Variants in MAP3K7 observed in about 807,000 individuals in gnomAD.
The protein encoded by MAP3K7 is TGF-beta activated kinase 1.
In MAP3K7, 21 loss-of-function variants were observed where a neutral mutation model predicts 84.8. The ratio of observed to expected loss-of-function variants is 0.25; its 90% CI spans 0.18 to 0.36. The LOEUF (loss-of-function observed/expected upper bound fraction) is 0.36. Ranked by LOEUF, MAP3K7 falls within the 10% of genes least tolerant of loss-of-function variation. The pLI is 1.00. For missense variants in MAP3K7, 503 were observed against 747.7 expected (o/e 0.67, Z 3.82); for synonymous variants, 241 against 247.7 (o/e 0.97, Z 0.25).
intron 1 of MAP3K7, among the ~76,000 whole-genome samples, chr6:90,585,713 A>T (rs1777422614): frequency 6.6e-6 from 1 of 151,778 alleles, no homozygotes; most frequent in Non-Finnish European, 1.5e-5. Flanking sequence ...TCTAAAATAA[A>T]TTACTGCAGA....
chr6:90,585,544 T>A (rs536323185), intron 1 of MAP3K7, among the ~76,000 whole-genome samples: 38 of 151,550 alleles, frequency 2.5e-4, no homozygotes, highest in Non-Finnish European at 5.9e-5. Context: ...AAATAAATGG[T>A]AAGAGATAGT....
intron 13 of MAP3K7, among the ~76,000 whole-genome samples, chr6:90,526,924 AAAG>A (rs1271848410): frequency 6.6e-6 from 1 of 152,124 alleles, no homozygotes; most frequent in African/African-American, 2.4e-5. Flanking sequence ...ACAGTGTGAG[AAAG>A]AAAGTTACAA....
At chr6:90,517,861 A>C (rs147733809) in intron 16 of MAP3K7, among the ~76,000 whole-genome samples, 1 of 151,878 alleles carries the variant, frequency 6.6e-6, no homozygotes, top group African/African-American at 2.4e-5. Flanking sequence ...TTATCACTTC[A>C]TTTTAGTTAC....
Position 90,523,793 on chromosome 6 carries a change from G to A in MAP3K7, c.1357-10C>T. 7.0e-7 allele frequency: 1 copy of A among 1,431,700 alleles called. No individual in the cohort carries two copies. The highest frequency in any genetic ancestry group is 9.9e-7 in the Non-Finnish European group (1 of 1,014,454). 88.7% of individuals were successfully genotyped at this position (1,431,700 alleles called of 1,614,324 possible). Reference sequence around the variant, plus strand: ...ATGACCTACTGCTCACCTACAGGAAGAAGTCACAGGAGAAACAAAATGTGA... The same window carrying A: ...ATGACCTACTGCTCACCTACAGGAAAAAGTCACAGGAGAAACAAAATGTGA... On this transcript the variant is annotated splice_polypyrimidine_tract_variant and intron_variant, in intron 13 of 16. Transcript: ENST00000369329.
At chr6:90,531,588 T>C (rs1775505988) in intron 13 of MAP3K7, among the ~76,000 whole-genome samples, 1 of 152,178 alleles carries the variant, frequency 6.6e-6, no homozygotes, top group Non-Finnish European at 1.5e-5. Context: ...TTGGCTTCAC[T>C]ACAGTTTTTC....
intron 3 of MAP3K7, among the ~76,000 whole-genome samples, chr6:90,565,669 T>C (rs977872771): frequency 3.3e-5 from 5 of 152,164 alleles, no homozygotes; most frequent in African/African-American, 9.7e-5. Context: ...TCTGAAACTA[T>C]TCCAATCGAT....
In MAP3K7 at chr6:90,547,324, T is replaced by C. The variant is rs762711020; in HGVS notation, c.1144A>G (p.Thr382Ala). ...RGSSVESLPP[T>A]SEGKRMSADM... ...GCACTCATCCTCTTGCCCTCAGAGG[T>C]TGGGGGCAAGCTCTCCACACTGCTC... The change falls in exon 11 of 17, where the codon ACC (threonine) becomes GCC (alanine). Residue 382 changes from threonine to alanine, a missense_variant. By Grantham distance (58) the Thr-to-Ala change is moderately conservative. Transcript: ENST00000369329. The C allele has an allele frequency of 1.7e-5, 28 of 1,612,262 alleles. No individual in the cohort carries two copies. Among genetic ancestry groups the C allele is most frequent in the Non-Finnish European group, 2.3e-5 (27 of 1,179,208 alleles).
chr6:90,574,187 G>A (rs755678980), intron 1 of MAP3K7, among the ~76,000 whole-genome samples: 147 of 152,274 alleles, frequency 9.7e-4, no homozygotes, highest in Non-Finnish European at 1.6e-3. Context: ...TTAAAACCAG[G>A]TATTTCCTCA....
intron 8 of MAP3K7, chr6:90,550,816 A>T: frequency 3.6e-6 from 1 of 277,396 alleles, no homozygotes; most frequent in Admixed American, 4.8e-5. Context: ...AAATAGTATC[A>T]TTTCTCATAA....
At chr6:90,547,418 T>C in intron 10 of MAP3K7, 31 bp from the exon 11 acceptor site, 1 of 1,600,886 alleles carries the variant, frequency 6.2e-7, no homozygotes, top group South Asian at 1.1e-5. Flanking sequence ...TCTGAATTAC[T>C]GAAGTTCTTT....
At chr6:90,522,255 T>C (rs547828118) in intron 14 of MAP3K7, among the ~76,000 whole-genome samples, 32 of 152,038 alleles carry the variant, frequency 2.1e-4, no homozygotes, top group South Asian at 8.3e-4. Flanking sequence ...AGAAGCAACA[T>C]ATGAGGCAGA....
chr6:90,527,466 C>G (rs925810774), intron 13 of MAP3K7, among the ~76,000 whole-genome samples: 1 of 140,170 alleles, frequency 7.1e-6, no homozygotes, highest in Non-Finnish European at 1.6e-5. Context: ...GGGTCTCGCC[C>G]GTGTTGTGCA....
At chr6:90,523,045 T>C (rs1285627285) in intron 14 of MAP3K7, among the ~76,000 whole-genome samples, 1 of 152,194 alleles carries the variant, frequency 6.6e-6, no homozygotes, top group Non-Finnish European at 1.5e-5. Context: ...TGTTTGCCCA[T>C]AATGAAACGA....
chr6:90,523,602 T>G, intron 14 of MAP3K7, 76 bp downstream of exon 14: 1 of 929,082 alleles, frequency 1.1e-6, no homozygotes, highest in South Asian at 1.4e-5. Context: ...TTGTAAACAT[T>G]AGAGTAATGA....
At chr6:90,563,256 C>T (rs750864819) in intron 3 of MAP3K7, among the ~76,000 whole-genome samples, 7 of 152,156 alleles carry the variant, frequency 4.6e-5, no homozygotes, top group Non-Finnish European at 7.3e-5. Context: ...TTCAGACAAT[C>T]GGTAATAACA....
chr6:90,552,858 T>C (rs544084792), intron 7 of MAP3K7, among the ~76,000 whole-genome samples: 2 of 152,210 alleles, frequency 1.3e-5, no homozygotes, highest in African/African-American at 2.4e-5. Context: ...AGCATTCAAG[T>C]CAGAAGCATC....
chr6:90,516,227 A>G lies in MAP3K7; in HGVS notation c.*274T>C, dbSNP rs1774955759. The G allele has an allele frequency of 1.9e-5, 9 of 484,334 alleles. No homozygotes were observed. In the South Asian group the frequency reaches 2.1e-4, roughly 11 times the overall value. The allele number at this position is 484,334 out of a possible 1,614,324, so 30.0% of individuals were successfully genotyped here. A position where few individuals can be genotyped will look rare whatever the true frequency, so the allele number is the denominator to read the frequency against. On this transcript the variant is annotated 3_prime_UTR_variant, in exon 17 of 17. Transcript: ENST00000369329. ...GCTAGCCTTCACACAATGAGCATGC[A>G]TATACAGCCACAGTTCACTGCATCT...
intron 1 of MAP3K7, among the ~76,000 whole-genome samples, chr6:90,576,010 G>GA (rs1174636729): frequency 6.6e-6 from 1 of 151,894 alleles, no homozygotes; most frequent in African/African-American, 2.4e-5. Flanking sequence ...AGATGAGTAA[G>GA]AAAAAAATCA....
At chr6:90,576,809 A>C (rs1777099161) in intron 1 of MAP3K7, among the ~76,000 whole-genome samples, 1 of 152,272 alleles carries the variant, frequency 6.6e-6, no homozygotes, top group South Asian at 2.1e-4. Flanking sequence ...TTAGAGAAAT[A>C]CTTGGGAGTG....
Sources: gnomAD v4.1 joint callset for allele counts (sites outside exome capture counted in the v4.1 genomes callset) on GRCh38, gnomAD v4.1.1 for gene constraint, MANE v1.5 for transcripts, NCBI Gene and HGNC (gene_info 2026-07-23, HGNC 2026-07-21) for gene names.